The following MYH11 variants were observed in gnomAD, a reference collection of about 807,000 sequenced individuals.
The protein encoded by MYH11 is myosin heavy chain 11.
A neutral mutation model predicts 246.6 loss-of-function variants in MYH11; 80 were observed. The ratio of observed to expected loss-of-function variants is 0.32; its 90% CI spans 0.27 to 0.39. MYH11 has a LOEUF of 0.39. MYH11 is among the 10% of genes least tolerant of loss of function. MYH11 has a pLI of 1.00. For synonymous variants in MYH11, 1,071 were observed against 1,015.5 expected (o/e 1.05, Z -1.04); for missense variants, 2,158 against 2,546.8 (o/e 0.85, Z 3.29).
intron 28 of MYH11, 175 bp downstream of exon 28, chr16:15,726,673 G>A (rs1035892642): frequency 3.8e-6 from 3 of 798,486 alleles, no homozygotes; most frequent in African/African-American, 1.7e-5. Flanking sequence ...TGGCCAGAAG[G>A]TTTTTTTAAT....
Position 15,720,282 on chromosome 16 carries a change from C to G in MYH11, c.4822G>C (p.Glu1608Gln). The change falls in exon 34 of 41, where the codon GAG becomes CAG. Residue 1608 changes from glutamate (E) to glutamine (Q), a missense_variant. Around this residue, in one of 11 missense-constraint regions of MYH11, gnomAD observed 1,013 missense variants for 993.5 expected, o/e 1.02. Transcript: ENST00000300036. Reference sequence around the variant, plus strand: ...GCTGCCAGGGCACGTTGCTTTCGCTCGTCTTCCAGTTCCGTCTCATACTCG... The same window carrying G: ...GCTGCCAGGGCACGTTGCTTTCGCTGGTCTTCCAGTTCCGTCTCATACTCG... ...LHEYETELED[E>Q]RKQRALAAAA... 1 of 1,614,074 alleles carries G rather than the reference C, an allele frequency of 6.2e-7. No individual in the cohort carries two copies. The highest frequency in any genetic ancestry group is 8.5e-7 in the Non-Finnish European group (1 of 1,180,002).
Position 15,732,726 on chromosome 16 carries a change from A to G in MYH11, c.3507-18T>C, listed in dbSNP as rs202019180. The G allele has an allele frequency of 3.7e-6, 6 of 1,614,076 alleles. No homozygotes were observed. The highest frequency in any genetic ancestry group is 1.3e-5 in the African/African-American group (1 of 75,050). ...TCTTGGCCCTTGGTGGGAGGAACAC[A>G]GTGAATGGCAGTTGGGTGGAGACAG... On this transcript the variant is annotated intron_variant, in intron 26 of 40. Transcript: ENST00000300036.
intron 40 of MYH11, chr16:15,708,659 A>G (rs1365083912): frequency 3.5e-6 from 3 of 857,184 alleles, no homozygotes; most frequent in Non-Finnish European, 5.8e-6. Flanking sequence ...AGCTTTGCAC[A>G]AAGATATCCA....
At chr16:15,788,973 C>T (rs1470620982) in intron 4 of MYH11, among the ~76,000 whole-genome samples, 2 of 152,012 alleles carry the variant, frequency 1.3e-5, no homozygotes, top group African/African-American at 4.8e-5. Context: ...AGCAAGATCC[C>T]ATCTCTTAAG....
chr16:15,793,508 G>T (rs2042663049), intron 4 of MYH11, among the ~76,000 whole-genome samples: 2 of 151,792 alleles, frequency 1.3e-5, no homozygotes, highest in South Asian at 2.1e-4. Flanking sequence ...CCTCAGTTTG[G>T]TCTCAAACTT....
chr16:15,790,701 C>T (rs542106653), intron 4 of MYH11, among the ~76,000 whole-genome samples: 86 of 152,226 alleles, frequency 5.6e-4, no homozygotes, highest in African/African-American at 1.5e-3. Context: ...TCCCTCTTCC[C>T]GGAGAAGGAC....
intron 4 of MYH11, among the ~76,000 whole-genome samples, chr16:15,790,242 T>C (rs1268063555): frequency 1.3e-5 from 2 of 152,002 alleles, no homozygotes; most frequent in Non-Finnish European, 2.9e-5. Flanking sequence ...GAGGCGGAGA[T>C]TACAGTGAGC....
In MYH11 at chr16:15,733,881, A is replaced by C. The variant is rs57065724; in HGVS notation, c.3507-1173T>G. 2.3e-4 allele frequency among the ~76,000 whole-genome samples: 35 copies of C among 152,344 alleles called. No individual in the cohort carries two copies. In the East Asian group the frequency reaches 4.4e-3, roughly 19 times the overall value. On this transcript the variant is annotated intron_variant, in intron 26 of 40. Coordinates refer to ENST00000300036, the MANE Select transcript of MYH11 (RefSeq NM_002474.3). ...CTTCTGTATCAAAGGCCAAGCGGCA[A>C]GGGAGCAGAACGCTGTGCTCTATGT...
At chr16:15,741,729 A>G (rs931355716) in intron 21 of MYH11, 31 bp downstream of exon 21, 6 of 1,614,086 alleles carry the variant, frequency 3.7e-6, no homozygotes, top group East Asian at 2.2e-5. Flanking sequence ...CCTGTTCCCC[A>G]GCAACCCCAG....
intron 2 of MYH11, among the ~76,000 whole-genome samples, chr16:15,833,494 G>A (rs555597739): frequency 3.3e-5 from 5 of 152,126 alleles, no homozygotes; most frequent in Middle Eastern, 6.8e-3. Flanking sequence ...TTAGGACCAG[G>A]CGTCAAAGCC....
intron 4 of MYH11, among the ~76,000 whole-genome samples, chr16:15,789,900 T>C (rs1303713410): frequency 2.6e-5 from 4 of 152,148 alleles, no homozygotes; most frequent in African/African-American, 9.7e-5. Context: ...GATCACACTC[T>C]TCATGCTGAC....
chr16:15,717,520 C>T (rs1208340234), intron 37 of MYH11, 172 bp from the exon 38 acceptor site: 25 of 667,534 alleles, frequency 3.7e-5, no homozygotes, highest in East Asian at 2.2e-4. Context: ...CCAGGCCGGG[C>T]GTGGTGGCGC....
chr16:15,789,457 G>C (rs1243763478), intron 4 of MYH11, among the ~76,000 whole-genome samples: 1 of 152,170 alleles, frequency 6.6e-6, no homozygotes, highest in Admixed American at 6.5e-5. Flanking sequence ...AATTGCTCCA[G>C]CCCACAATTG....
chr16:15,704,185 T>C, intron 40 of MYH11, 62 bp from the exon 41 acceptor site: 1 of 1,600,146 alleles, frequency 6.2e-7, no homozygotes, highest in Non-Finnish European at 8.5e-7. Flanking sequence ...GATAGATTTT[T>C]TATAAATCTA....
chr16:15,823,392 C>G lies in MYH11; in HGVS notation c.365G>C (p.Cys122Ser). ...GTGTTTATAGGGGTTGACCACCACG[C>G]AGAAGAGGCCAGAGTACGTCTGCAG... ...GLIYTYSGLFCVVVNPYKHLP... is the reference protein window; with the variant it reads ...GLIYTYSGLFSVVVNPYKHLP... The change falls in exon 3 of 41, where the codon TGC becomes TCC. Residue 122 changes from cysteine to serine, a missense_variant. Coordinates refer to ENST00000300036, the MANE Select transcript of MYH11 (RefSeq NM_002474.3). The G allele has an allele frequency of 6.2e-7, 1 of 1,614,196 alleles. No homozygotes were observed. Among genetic ancestry groups the G allele is most frequent in the Non-Finnish European group, 8.5e-7 (1 of 1,180,044 alleles).
Position 15,750,090 on chromosome 16 carries a change from G to A in MYH11, c.2058+48C>T, listed in dbSNP as rs1308520801. 5.6e-6 allele frequency: 9 copies of A among 1,610,588 alleles called. No individual in the cohort carries two copies. Among genetic ancestry groups the A allele is most frequent in the Non-Finnish European group, 6.8e-6 (8 of 1,177,716 alleles). ...CCCTGGGGACGCTGTGACCGCTTGG[G>A]ACAGCCCTGGCTTCTGGGAGCCCCA... On this transcript the variant is annotated intron_variant, in intron 16 of 40. Transcript: ENST00000300036. This position sits in a 1 kb window ranked among gnomAD's most constrained non-coding sequence, Gnocchi z 4.3.
At chr16:15,773,215 G>A (rs968755018) in intron 8 of MYH11, among the ~76,000 whole-genome samples, 15 of 151,684 alleles carry the variant, frequency 9.9e-5, no homozygotes, top group Admixed American at 6.6e-4. Context: ...GTCAAGTTTA[G>A]ATAGTATCTA....
chr16:15,798,365 G>A lies in MYH11; in HGVS notation c.530+295C>T, dbSNP rs557346442. Reference sequence around the variant, plus strand: ...TATAAAATCTTTAGTTCAAGTCCTGGCACAGAGTACATGTTCAATAAATGC... The same window carrying A: ...TATAAAATCTTTAGTTCAAGTCCTGACACAGAGTACATGTTCAATAAATGC... On this transcript the variant is annotated intron_variant, in intron 4 of 40. Coordinates refer to ENST00000300036, the MANE Select transcript of MYH11 (RefSeq NM_002474.3). Among the ~76,000 whole-genome samples the A allele has an allele frequency of 1.2e-3, 178 of 152,190 alleles. 1 individual carries two copies. Among genetic ancestry groups the A allele is most frequent in the African/African-American group, 4.0e-3 (165 of 41,522 alleles).
Position 15,753,445 on chromosome 16 carries a change from A to C in MYH11, c.1813T>G (p.Ser605Ala). 1 of 1,614,108 alleles carries C rather than the reference A, an allele frequency of 6.2e-7. No individual in the cohort carries two copies. ...NMDPLNDNVT[S>A]LLNASSDKFV... The stretch of plus-strand genomic sequence containing the variant: ...TTGTCGGAGGAGGCATTGAGCAGGG[A>C]AGTCACGTTGTCATTCAGCGGGTCC... The change falls in exon 15 of 41, where the codon TCC becomes GCC. Residue 605 changes from serine to alanine, a missense_variant. Transcript: ENST00000300036.
Sources: gnomAD v4.1 joint callset for allele counts (sites outside exome capture counted in the v4.1 genomes callset) on GRCh38, gnomAD v4.1.1 for gene constraint, gnomAD v4.1.1 regional missense constraint, Gnocchi (gnomAD v3.1) non-coding constraint, MANE v1.5 for transcripts, NCBI Gene and HGNC (gene_info 2026-07-23, HGNC 2026-07-21) for gene names.